The following CORO1C variants were observed in gnomAD, a reference collection of about 807,000 sequenced individuals.
CORO1C encodes coronin-1C.
In CORO1C, 14 loss-of-function variants were observed where a neutral mutation model predicts 51.2. The observed-to-expected ratio is 0.27, with a 90% CI of 0.18 to 0.43. The LOEUF (loss-of-function observed/expected upper bound fraction) is 0.43, where lower values mean the gene tolerates loss of function less well. Ranked by LOEUF, CORO1C falls within the 20% of genes least tolerant of loss-of-function variation. The pLI, the probability that CORO1C is intolerant of heterozygous loss-of-function variation, is 1.00. For missense variants in CORO1C, 417 were observed against 607.8 expected (o/e 0.69, Z 3.30); for synonymous variants, 181 against 210.5 (o/e 0.86, Z 1.21).
intron 1 of CORO1C, among the ~76,000 whole-genome samples, chr12:108,727,508 T>A (rs1387203199): frequency 6.6e-6 from 1 of 152,178 alleles, no homozygotes; most frequent in Non-Finnish European, 1.5e-5. Flanking sequence ...CACACCTCAT[T>A]AAGGAGTCTG....
chr12:108,702,353 G>A (rs1207194152), intron 1 of CORO1C, among the ~76,000 whole-genome samples: 1 of 152,166 alleles, frequency 6.6e-6, no homozygotes, highest in African/African-American at 2.4e-5. Flanking sequence ...GTAAACCAGG[G>A]ACTCTGAAGG....
At chr12:108,676,787 A>AC (rs1343948055) in intron 3 of CORO1C, among the ~76,000 whole-genome samples, 2 of 151,676 alleles carry the variant, frequency 1.3e-5, no homozygotes, top group East Asian at 3.9e-4. Context: ...AAAAAAAAAA[A>AC]ATTCTGGCAT....
At chr12:108,684,648 A>G (rs2034237820) in intron 2 of CORO1C, among the ~76,000 whole-genome samples, 1 of 152,212 alleles carries the variant, frequency 6.6e-6, no homozygotes, top group African/African-American at 2.4e-5. Flanking sequence ...CCTCTGGGGA[A>G]GGAGAAAATA....
At chr12:108,652,588 C>G (rs930958825) in intron 7 of CORO1C, among the ~76,000 whole-genome samples, 171 bp from the exon 8 acceptor site, 4 of 152,232 alleles carry the variant, frequency 2.6e-5, no homozygotes, top group Non-Finnish European at 4.4e-5. Flanking sequence ...TTCTTTTCCT[C>G]ACAAAGTAAC....
intron 2 of CORO1C, among the ~76,000 whole-genome samples, chr12:108,679,281 A>C (rs1341348540): frequency 6.6e-6 from 1 of 152,082 alleles, no homozygotes; most frequent in Non-Finnish European, 1.5e-5. Flanking sequence ...TGCCAGCCAG[A>C]CAATCTAGTT....
chr12:108,651,203 C>T (rs1330834856), intron 8 of CORO1C, among the ~76,000 whole-genome samples: 2 of 152,214 alleles, frequency 1.3e-5, no homozygotes, highest in African/African-American at 4.8e-5. Flanking sequence ...AGTATCAATT[C>T]TTTAATTGTG....
At chr12:108,675,398 G>A (rs1003472739) in intron 3 of CORO1C, among the ~76,000 whole-genome samples, 6 of 152,028 alleles carry the variant, frequency 3.9e-5, no homozygotes, top group African/African-American at 1.5e-4. Flanking sequence ...GTTTCAATGG[G>A]AAAAGGCGAG....
intron 3 of CORO1C, among the ~76,000 whole-genome samples, chr12:108,676,554 T>C (rs1348802500): frequency 1.3e-5 from 2 of 151,826 alleles, no homozygotes; most frequent in African/African-American, 4.8e-5. Context: ...GGGGGATCAC[T>C]TGAGGTCAGG....
intron 1 of CORO1C, among the ~76,000 whole-genome samples, chr12:108,707,440 T>C (rs945803603): frequency 1.3e-5 from 2 of 152,204 alleles, no homozygotes; most frequent in African/African-American, 4.8e-5. Flanking sequence ...GTGGAAAAAC[T>C]CTTCTCAACA....
intron 3 of CORO1C, among the ~76,000 whole-genome samples, chr12:108,673,417 C>T (rs1048270814): frequency 4.6e-5 from 7 of 152,176 alleles, no homozygotes; most frequent in East Asian, 3.8e-4. Flanking sequence ...ATGAGGTTAA[C>T]GAAAGACGCC....
At chr12:108,704,149 AAT>A (rs2034959652) in intron 1 of CORO1C, among the ~76,000 whole-genome samples, 1 of 152,136 alleles carries the variant, frequency 6.6e-6, no homozygotes, top group Non-Finnish European at 1.5e-5. Context: ...ATACTATACA[AAT>A]CTTCTGGCTG....
intron 1 of CORO1C, among the ~76,000 whole-genome samples, chr12:108,717,619 G>A (rs2035370726): frequency 6.6e-6 from 1 of 152,122 alleles, no homozygotes; most frequent in African/African-American, 2.4e-5. Context: ...TTTTAGATAT[G>A]AAGGGTGCAT....
intron 2 of CORO1C, among the ~76,000 whole-genome samples, chr12:108,692,891 G>A (rs1318773708): frequency 7.1e-6 from 1 of 140,936 alleles, no homozygotes; most frequent in Non-Finnish European, 1.5e-5. Context: ...TCTGCCTCCT[G>A]TGTTCAAGCC....
chr12:108,664,417 A>G (rs2033394596), intron 3 of CORO1C, among the ~76,000 whole-genome samples: 1 of 152,218 alleles, frequency 6.6e-6, no homozygotes, highest in African/African-American at 2.4e-5. Context: ...AAAGTTTGCC[A>G]TTCTGAAGAG....
At chr12:108,647,706 G>A (rs1009758700) in intron 10 of CORO1C, among the ~76,000 whole-genome samples, 184 bp from the exon 11 acceptor site, 21 of 152,138 alleles carry the variant, frequency 1.4e-4, no homozygotes, top group South Asian at 4.1e-4. Context: ...AGCACTGGCC[G>A]ATCTATCTGA....
chr12:108,708,883 G>A (rs1464417304), intron 1 of CORO1C, among the ~76,000 whole-genome samples: 2 of 152,024 alleles, frequency 1.3e-5, no homozygotes, highest in East Asian at 3.9e-4. Flanking sequence ...CTCCCAAGTA[G>A]CTGGGACCAC....
intron 1 of CORO1C, among the ~76,000 whole-genome samples, chr12:108,715,875 T>C (rs553814014): frequency 3.9e-5 from 6 of 151,980 alleles, no homozygotes; most frequent in Admixed American, 3.3e-4. Flanking sequence ...GGCTCACACC[T>C]GTAATCCCAG....
At chr12:108,663,052 G>T (rs768927381) in intron 3 of CORO1C, among the ~76,000 whole-genome samples, 3 of 152,122 alleles carry the variant, frequency 2.0e-5, no homozygotes, top group African/African-American at 7.2e-5. Context: ...TATAAATGGC[G>T]AAAAAGCACA....
At chr12:108,695,610 T>C (rs1382173721) in intron 2 of CORO1C, among the ~76,000 whole-genome samples, 2 of 152,006 alleles carry the variant, frequency 1.3e-5, no homozygotes, top group Non-Finnish European at 2.9e-5. Flanking sequence ...AAAGGCAACA[T>C]CTGAGCTGGA....
Sources: gnomAD v4.1 joint callset for allele counts (sites outside exome capture counted in the v4.1 genomes callset) on GRCh38, gnomAD v4.1.1 for gene constraint, MANE v1.5 for transcripts, NCBI Gene and HGNC (gene_info 2026-07-23, HGNC 2026-07-21) for gene names.